Variants in RALYL observed in about 807,000 individuals in gnomAD.
The protein encoded by RALYL is RNA-binding Raly-like protein.
A neutral mutation model predicts 35.1 loss-of-function variants in RALYL; 29 were observed. The observed-to-expected ratio is 0.83, with a 90% CI of 0.61 to 1.13. The LOEUF (loss-of-function observed/expected upper bound fraction) is 1.13, where lower values mean the gene tolerates loss of function less well. Among genes scored for constraint, RALYL ranks in the 50% most tolerant of loss-of-function variants. RALYL has a pLI of 0.00. For synonymous variants in RALYL, 120 were observed against 127.6 expected (o/e 0.94, Z 0.40); for missense variants, 359 against 360.4 (o/e 1.00, Z 0.03).
chr8:84,634,262 A>G (rs1824550336), intron 2 of RALYL, among the ~76,000 whole-genome samples: 1 of 151,414 alleles, frequency 6.6e-6, no homozygotes, highest in Admixed American at 6.6e-5. Context: ...TTTCCTCCCT[A>G]CTTTTGACCA....
chr8:84,316,442 G>C (rs536771745), intron 1 of RALYL, among the ~76,000 whole-genome samples: 1 of 152,132 alleles, frequency 6.6e-6, no homozygotes, highest in Non-Finnish European at 1.5e-5. Flanking sequence ...ACTTACATTA[G>C]AATGTTTTAT....
At chr8:84,643,230 C>A (rs1826772459) in intron 2 of RALYL, among the ~76,000 whole-genome samples, 1 of 151,632 alleles carries the variant, frequency 6.6e-6, no homozygotes. Flanking sequence ...CCAACCAAAA[C>A]CCCAAGGGTA....
chr8:84,392,380 T>C (rs372801982), intron 1 of RALYL, among the ~76,000 whole-genome samples: 209 of 152,114 alleles, frequency 1.4e-3, no homozygotes, highest in African/African-American at 4.5e-3. Context: ...AGAGATAAAG[T>C]ATTCATTTGT....
chr8:84,671,907 CT>C (rs1174073855), intron 2 of RALYL, among the ~76,000 whole-genome samples: 6 of 152,294 alleles, frequency 3.9e-5, no homozygotes, highest in Admixed American at 3.9e-4. Flanking sequence ...TGATTTTCTC[CT>C]CAGAAAATCA....
chr8:84,306,321 AAAG>A (rs1403615589), intron 1 of RALYL, among the ~76,000 whole-genome samples: 3 of 152,304 alleles, frequency 2.0e-5, no homozygotes, highest in Non-Finnish European at 1.5e-5. Flanking sequence ...TACATGATAA[AAAG>A]GAGGAGGAGT....
chr8:84,295,653 T>C (rs913886380), intron 1 of RALYL, among the ~76,000 whole-genome samples: 7 of 152,058 alleles, frequency 4.6e-5, no homozygotes, highest in Admixed American at 2.0e-4. Context: ...TAGACAGTTT[T>C]TGCTCTCTTT....
chr8:84,270,842 C>T (rs893643409), intron 1 of RALYL, among the ~76,000 whole-genome samples: 1 of 151,680 alleles, frequency 6.6e-6, no homozygotes, highest in Non-Finnish European at 1.5e-5. Flanking sequence ...AATAGATGAA[C>T]TTAGTGGTAG....
At chr8:84,265,426 G>T (rs1159591217) in intron 1 of RALYL, among the ~76,000 whole-genome samples, 1 of 152,148 alleles carries the variant, frequency 6.6e-6, no homozygotes, top group Admixed American at 6.5e-5. Flanking sequence ...ATGCAGGAAA[G>T]GGCCCTGAGG....
Position 84,690,582 on chromosome 8 carries a change from C to A in RALYL, c.257-83997C>A, listed in dbSNP as rs539016179. ...ATCATTTCTTAATTTGTATGTATAT[C>A]AAAACATATACAATTATAAATTGTA... On this transcript the variant is annotated intron_variant, in intron 2 of 8. Coordinates refer to ENST00000521268, the MANE Select transcript of RALYL (RefSeq NM_173848.7). Among the ~76,000 whole-genome samples the A allele has an allele frequency of 9.2e-5, 14 of 151,838 alleles. No individual in the cohort carries two copies. In the South Asian group the frequency reaches 2.7e-3, roughly 29 times the overall value.
At position 84,735,402 on chromosome 8, in the gene RALYL, C is replaced by G. The variant is rs528603089; in HGVS notation, c.257-39177C>G. ...AAAGGCAATTTTTAAAAATTTTTCTCATATTAACATTCTACAAATTCTATT... is the reference window on the plus strand; with the variant it reads ...AAAGGCAATTTTTAAAAATTTTTCTGATATTAACATTCTACAAATTCTATT... On this transcript the variant is annotated intron_variant, in intron 2 of 8. Coordinates refer to ENST00000521268, the MANE Select transcript of RALYL (RefSeq NM_173848.7). Among the ~76,000 whole-genome samples, 16 of 152,082 alleles carry G rather than the reference C, an allele frequency of 1.1e-4. No homozygotes were observed. The East Asian group carries it at 3.1e-3, about 29-fold the overall frequency.
chr8:84,833,451 A>G (rs1167486026), intron 4 of RALYL, among the ~76,000 whole-genome samples: 2 of 152,058 alleles, frequency 1.3e-5, no homozygotes, highest in African/African-American at 4.8e-5. Context: ...CAGCCTGGCC[A>G]ACATGAAGAA....
At chr8:84,781,909 T>C (rs1818260242) in intron 3 of RALYL, among the ~76,000 whole-genome samples, 1 of 152,142 alleles carries the variant, frequency 6.6e-6, no homozygotes, top group Non-Finnish European at 1.5e-5. Context: ...AACTATGTTT[T>C]CCTAACTCTG....
At chr8:84,827,749 T>C (rs1459872019) in intron 4 of RALYL, among the ~76,000 whole-genome samples, 1 of 152,076 alleles carries the variant, frequency 6.6e-6, no homozygotes, top group East Asian at 1.9e-4. Context: ...GAAAATGTTA[T>C]TCAGAAGAGA....
chr8:84,242,068 G>A (rs949975625), intron 1 of RALYL, among the ~76,000 whole-genome samples: 2 of 151,944 alleles, frequency 1.3e-5, no homozygotes, highest in African/African-American at 4.8e-5. Context: ...TGTTCTCATC[G>A]TTCAGCTCCC....
At chr8:84,777,832 A>T (rs1301235227) in intron 3 of RALYL, among the ~76,000 whole-genome samples, 1 of 151,236 alleles carries the variant, frequency 6.6e-6, no homozygotes, top group Non-Finnish European at 1.5e-5. Flanking sequence ...TAGTAGAGGC[A>T]GCATTTCACC....
chr8:84,387,146 T>A (rs1859398260), intron 1 of RALYL, among the ~76,000 whole-genome samples: 1 of 151,860 alleles, frequency 6.6e-6, no homozygotes, highest in African/African-American at 2.4e-5. Flanking sequence ...GTAACGTAAC[T>A]AGCAGTGCCA....
intron 2 of RALYL, among the ~76,000 whole-genome samples, chr8:84,741,742 A>G (rs1807365294): frequency 6.6e-6 from 1 of 152,048 alleles, no homozygotes; most frequent in African/African-American, 2.4e-5. Context: ...ACAGAAGAAA[A>G]TATCACTTTC....
intron 2 of RALYL, among the ~76,000 whole-genome samples, chr8:84,582,778 T>G (rs1282898563): frequency 6.6e-6 from 1 of 152,028 alleles, no homozygotes; most frequent in African/African-American, 2.4e-5. Flanking sequence ...TCAGGATGAT[T>G]TGCTCTATAA....
intron 1 of RALYL, among the ~76,000 whole-genome samples, chr8:84,229,412 A>G (rs1824791616): frequency 6.6e-6 from 1 of 152,228 alleles, no homozygotes; most frequent in African/African-American, 2.4e-5. Context: ...AGCAAGTGCT[A>G]ATGCCCAGAG....
Sources: allele counts gnomAD v4.1 joint callset (sites outside exome capture counted in the v4.1 genomes callset), GRCh38; gene constraint gnomAD v4.1.1; transcripts MANE v1.5; gene names NCBI Gene and HGNC (gene_info 2026-07-23, HGNC 2026-07-21).